The following MSI2 variants were observed in gnomAD, a reference collection of about 807,000 sequenced individuals.
MSI2 encodes the protein musashi RNA binding protein 2, also known as RNA-binding protein Musashi homolog 2.
Under a neutral mutation model 45.6 loss-of-function variants are expected in MSI2, and 17 were observed. The ratio of observed to expected loss-of-function variants is 0.37; its 90% confidence interval spans 0.26 to 0.56. The LOEUF is 0.56. Among genes scored for constraint, MSI2 ranks in the 20% least tolerant of loss-of-function variants. MSI2 has a pLI of 0.77. For missense variants in MSI2, 293 were observed against 444.2 expected, an observed-to-expected ratio of 0.66 and a Z score of 3.06; for synonymous variants, 156 against 158.2, an observed-to-expected ratio of 0.99 and a Z score of 0.11.
At chr17:57,339,422 G>A (rs1914940803) in intron 5 of MSI2, among the ~76,000 whole-genome samples, 1 of 152,154 alleles carries the variant, frequency 6.6e-6, no homozygotes, top group Admixed American at 6.5e-5. Flanking sequence ...TTCAGCTCCT[G>A]CCTCCACTTG....
chr17:57,273,960 C>G (rs1000513916), intron 5 of MSI2, among the ~76,000 whole-genome samples: 4 of 152,206 alleles, frequency 2.6e-5, no homozygotes, highest in Non-Finnish European at 5.9e-5. Context: ...AGTTTGAACT[C>G]AAGCATCCTC....
intron 7 of MSI2, among the ~76,000 whole-genome samples, chr17:57,558,366 G>A (rs1245130012): frequency 6.6e-6 from 1 of 152,094 alleles, no homozygotes; most frequent in African/African-American, 2.4e-5. Context: ...TAACAAAGAG[G>A]GTCGGTTCCC....
At chr17:57,583,363 C>T (rs769372803) in intron 7 of MSI2, among the ~76,000 whole-genome samples, 24 of 152,012 alleles carry the variant, frequency 1.6e-4, no homozygotes, top group Non-Finnish European at 3.2e-4. Context: ...GTCTTGCTGA[C>T]ATAAGGACAT....
chr17:57,540,682 T>C (rs1240486983), intron 7 of MSI2, among the ~76,000 whole-genome samples: 1 of 152,202 alleles, frequency 6.6e-6, no homozygotes, highest in African/African-American at 2.4e-5. Flanking sequence ...GCAGTGCGGC[T>C]GCAAGCCAAG....
At chr17:57,399,264 T>C (rs1303861275) in intron 5 of MSI2, among the ~76,000 whole-genome samples, 1 of 152,224 alleles carries the variant, frequency 6.6e-6, no homozygotes, top group Non-Finnish European at 1.5e-5. Flanking sequence ...CCCATTCATC[T>C]GAAAAGAGGT....
At chr17:57,393,933 T>G (rs2083842708) in intron 5 of MSI2, among the ~76,000 whole-genome samples, 1 of 152,128 alleles carries the variant, frequency 6.6e-6, no homozygotes, top group African/African-American at 2.4e-5. Context: ...CCACCTGCCT[T>G]GGCCTCCCAA....
chr17:57,329,934 GTTTTTGTTTTTT>G (rs1037620841), intron 5 of MSI2, among the ~76,000 whole-genome samples: 4 of 149,538 alleles, frequency 2.7e-5, no homozygotes, highest in Non-Finnish European at 4.5e-5. Flanking sequence ...TTTTGTTTTT[GTTTTTGTTTTTT>G]TTTTTTGGTC....
At chr17:57,455,852 A>G (rs1042017734) in intron 6 of MSI2, among the ~76,000 whole-genome samples, 1 of 152,204 alleles carries the variant, frequency 6.6e-6, no homozygotes, top group Non-Finnish European at 1.5e-5. Flanking sequence ...CAGCACGCAC[A>G]CAGGCACAGG....
intron 6 of MSI2, among the ~76,000 whole-genome samples, chr17:57,500,480 G>T (rs1006129941): frequency 5.9e-5 from 9 of 151,668 alleles, no homozygotes; most frequent in African/African-American, 2.2e-4. Flanking sequence ...CTAGCAAGAG[G>T]AGGAGCGAGC....
At chr17:57,567,520 G>A (rs977215850) in intron 7 of MSI2, among the ~76,000 whole-genome samples, 2 of 152,250 alleles carry the variant, frequency 1.3e-5, no homozygotes, top group African/African-American at 4.8e-5. Flanking sequence ...GGCAGCTTGC[G>A]AGTGTCATTC....
At chr17:57,412,456 A>G (rs2084215107) in intron 6 of MSI2, among the ~76,000 whole-genome samples, 1 of 152,216 alleles carries the variant, frequency 6.6e-6, no homozygotes, top group South Asian at 2.1e-4. Context: ...TTCTGGCTGC[A>G]TCAGTTCCTG....
intron 7 of MSI2, among the ~76,000 whole-genome samples, chr17:57,575,147 T>TCCCCCCCCCCCCCCCC (rs371180511): frequency 2.7e-4 from 32 of 119,532 alleles, no homozygotes; most frequent in African/African-American, 5.8e-4. Context: ...CTTTTTTAAC[T>TCCCCCCCCCCCCCCCC]CCCTCCCCCC....
At chr17:57,257,223 C>CG (rs1906859142) in intron 2 of MSI2, 85 bp downstream of exon 2, 1 of 526,462 alleles carries the variant, frequency 1.9e-6, no homozygotes, top group Non-Finnish European at 3.0e-6. Context: ...GGAGCCCCCC[C>CG]CCCCCCGCCA....
intron 7 of MSI2, among the ~76,000 whole-genome samples, chr17:57,545,829 TATA>T (rs1171045320): frequency 1.3e-5 from 2 of 152,122 alleles, no homozygotes; most frequent in East Asian, 3.8e-4. Context: ...GAAGGGGGTG[TATA>T]ATGATGATGA....
intron 5 of MSI2, among the ~76,000 whole-genome samples, chr17:57,317,873 G>A (rs1598111817): frequency 2.0e-5 from 3 of 152,278 alleles, no homozygotes; most frequent in African/African-American, 7.2e-5. Context: ...TGTGGGCCAG[G>A]CACAGTGACT....
chr17:57,573,588 C>G (rs1415674608), intron 7 of MSI2, among the ~76,000 whole-genome samples: 1 of 152,242 alleles, frequency 6.6e-6, no homozygotes, highest in African/African-American at 2.4e-5. Flanking sequence ...ACCCCCATCA[C>G]TCCAGACCTG....
chr17:57,669,399 C>T (rs1912609014), intron 11 of MSI2, among the ~76,000 whole-genome samples: 1 of 152,216 alleles, frequency 6.6e-6, no homozygotes, highest in Non-Finnish European at 1.5e-5. Context: ...GAAAGTTGCT[C>T]TTACTCTTTG....
chr17:57,368,316 G>A (rs1243072263), intron 5 of MSI2, among the ~76,000 whole-genome samples: 1 of 152,178 alleles, frequency 6.6e-6, no homozygotes, highest in Non-Finnish European at 1.5e-5. Context: ...AGCACTTTGG[G>A]AGGCTGAGGC....
rs144262892 is a variant in MSI2, at chr17:57,660,526, C to T, written c.790+8365C>T. Among the ~76,000 whole-genome samples the T allele has an allele frequency of 1.4e-4, 21 of 152,306 alleles. No individual in the cohort carries two copies. In the East Asian group the frequency reaches 1.7e-3, roughly 13 times the overall value. On this transcript the variant is annotated intron_variant, in intron 11 of 13. Transcript: ENST00000284073. Reference sequence around the variant, plus strand: ...ATGGATAAATACTAAGCAGTCTCCACGCCATTGAAGATCTCCCAACCTAGT... The same window carrying T: ...ATGGATAAATACTAAGCAGTCTCCATGCCATTGAAGATCTCCCAACCTAGT...
Sources: gnomAD v4.1 joint callset for allele counts (sites outside exome capture counted in the v4.1 genomes callset) on GRCh38, gnomAD v4.1.1 for gene constraint, MANE v1.5 for transcripts, NCBI Gene and HGNC (gene_info 2026-07-23, HGNC 2026-07-21) for gene names.